Variants in VPS13A observed in about 807,000 individuals in gnomAD.
VPS13A encodes intermembrane lipid transfer protein VPS13A.
VPS13A carries 264 observed loss-of-function variants against 390.9 expected under a neutral mutation model. The ratio of observed to expected loss-of-function variants is 0.68; its 90% confidence interval spans 0.61 to 0.75. The LOEUF (loss-of-function observed/expected upper bound fraction) is 0.75. VPS13A is among the 30% of genes least tolerant of loss of function. The probability of loss-of-function intolerance (pLI) is 0.00; values close to 1 mark genes in which losing one functional copy is unlikely to be tolerated. For missense variants in VPS13A, 3,409 were observed against 3,733.9 expected, an observed-to-expected ratio of 0.91 and a Z score of 2.27; for synonymous variants, 1,231 against 1,227.1, an observed-to-expected ratio of 1.00 and a Z score of -0.07.
At position 77,356,853 on chromosome 9, in the gene VPS13A, G is replaced by A. The variant is rs1831813000; in HGVS notation, c.7792G>A (p.Asp2598Asn). 1 of 1,613,686 alleles carries A rather than the reference G, an allele frequency of 6.2e-7. No homozygotes were observed. The highest frequency in any genetic ancestry group is 1.1e-5 in the South Asian group (1 of 91,064). Residue 2598 changes from aspartate to asparagine, a missense_variant, in exon 55 of 72, where the codon GAC (aspartate) becomes AAC (asparagine). Asp to Asn is a conservative substitution (Grantham distance 23). Around this residue, in one of 5 missense-constraint regions of VPS13A, gnomAD observed 221 missense variants for 300.7 expected, o/e 0.73. Transcript: ENST00000360280. ...TTCAGAAGATAAGGTTATTCAGTTG[G>A]ACACTAATGTTCCGGTAATATTTTT... is the stretch of plus-strand genomic sequence containing the variant. The part of the protein sequence containing the change: ...SPSEDKVIQL[D>N]TNVPVRLTPT...
chr9:77,218,280 A>AT (rs1317857812), intron 10 of VPS13A, among the ~76,000 whole-genome samples: 1 of 151,870 alleles, frequency 6.6e-6, no homozygotes, highest in African/African-American at 2.4e-5. Flanking sequence ...TGCCCAGCTA[A>AT]TTTTTTGTAC....
chr9:77,200,465 G>T (rs1448460714), intron 2 of VPS13A, among the ~76,000 whole-genome samples: 1 of 152,030 alleles, frequency 6.6e-6, no homozygotes, highest in Non-Finnish European at 1.5e-5. Context: ...CTCCAGCCTG[G>T]GTGACAGAGT....
chr9:77,244,131 G>C (rs1484915781), intron 19 of VPS13A, among the ~76,000 whole-genome samples: 3 of 152,032 alleles, frequency 2.0e-5, no homozygotes, highest in Non-Finnish European at 1.5e-5. Flanking sequence ...CCAGCTACTT[G>C]GCAGGCTGAG....
In VPS13A at chr9:77,318,251, T is replaced by C. The variant is rs1829522771; in HGVS notation, c.4973T>C (p.Ile1658Thr). Residue 1658 changes from isoleucine (I) to threonine (T), a missense_variant, in exon 41 of 72, where the codon ATA becomes ACA. Coordinates refer to ENST00000360280, the MANE Select transcript of VPS13A (RefSeq NM_033305.3). ...SLTLKVSPVI[I>T]NTMITITSAL... ...TCCATTTAGGTTTCACCAGTTATTA[T>C]AAATACTATGATTACCATAACTTCA... 7 of 1,597,084 alleles carry C rather than the reference T, an allele frequency of 4.4e-6. No homozygotes were observed. The highest frequency in any genetic ancestry group is 3.4e-6 in the Non-Finnish European group (4 of 1,174,782).
In VPS13A at chr9:77,308,102, T is replaced by C. The variant is rs1199174625; in HGVS notation, c.4114+4T>C. ...AATGCTTCACACCATTCAGGAGGTA[T>C]GTTTTTAACTTCAAATTTCTTTCTG... is the stretch of plus-strand genomic sequence containing the variant. On this transcript the variant is annotated splice_donor_region_variant and intron_variant, in intron 35 of 71. Coordinates refer to ENST00000360280, the MANE Select transcript of VPS13A (RefSeq NM_033305.3). The C allele has an allele frequency of 1.2e-6, 2 of 1,613,814 alleles. No homozygotes were observed. Among genetic ancestry groups the C allele is most frequent in the Non-Finnish European group, 1.7e-6 (2 of 1,179,830 alleles).
chr9:77,215,819 C>G (rs1282491271), intron 10 of VPS13A, among the ~76,000 whole-genome samples: 1 of 152,220 alleles, frequency 6.6e-6, no homozygotes, highest in Non-Finnish European at 1.5e-5. Context: ...GTTGGTACTT[C>G]ACTCTCTGGA....
Position 77,407,115 on chromosome 9 carries a change from T to A in VPS13A, c.9400-418T>A, listed in dbSNP as rs114778613. Among the ~76,000 whole-genome samples the A allele has an allele frequency of 8.3e-3, 1,263 of 152,308 alleles. 22 individuals are homozygous for A. Among genetic ancestry groups the A allele is most frequent in the African/African-American group, 0.029 (1,214 of 41,570 alleles). ...CATGCACATACAATATATGTATGTGTTTATGTACGTATGCATACACACACA... is the reference window on the plus strand; with the variant it reads ...CATGCACATACAATATATGTATGTGATTATGTACGTATGCATACACACACA... On this transcript the variant is annotated intron_variant, in intron 70 of 71. Transcript: ENST00000360280.
intron 54 of VPS13A, among the ~76,000 whole-genome samples, chr9:77,355,427 A>G (rs960929355): frequency 1.3e-5 from 2 of 152,140 alleles, no homozygotes; most frequent in South Asian, 2.1e-4. Flanking sequence ...TCTTCTCTCA[A>G]CTGCTTACAT....
chr9:77,372,793 G>A (rs1344753762), intron 67 of VPS13A, among the ~76,000 whole-genome samples: 1 of 152,106 alleles, frequency 6.6e-6, no homozygotes, highest in Non-Finnish European at 1.5e-5. Flanking sequence ...AAAGTCTTAG[G>A]ATACAAAATC....
At chr9:77,225,409 C>G (rs1823451098) in intron 13 of VPS13A, among the ~76,000 whole-genome samples, 1 of 152,052 alleles carries the variant, frequency 6.6e-6, no homozygotes, top group Non-Finnish European at 1.5e-5. Context: ...TGCCACCATG[C>G]CTAGCTAATT....
At chr9:77,297,584 G>C (rs1386615087) in intron 33 of VPS13A, among the ~76,000 whole-genome samples, 1 of 151,054 alleles carries the variant, frequency 6.6e-6, no homozygotes, top group Non-Finnish European at 1.5e-5. Context: ...TTTTTTGGGG[G>C]GGCAGGGTTG....
At position 77,281,227 on chromosome 9, in the gene VPS13A, C is replaced by T. The variant is rs77390558; in HGVS notation, c.2905-640C>T. ...AAGAATAATTTTTGAGATCTGTATACAGCAGGGGAACTGTAATCAATAATA... is the reference window on the plus strand; with the variant it reads ...AAGAATAATTTTTGAGATCTGTATATAGCAGGGGAACTGTAATCAATAATA... On this transcript the variant is annotated intron_variant, in intron 27 of 71. Transcript: ENST00000360280. Among the ~76,000 whole-genome samples, 472 of 152,134 alleles carry T rather than the reference C, an allele frequency of 3.1e-3. 2 individuals are homozygous for T. Among genetic ancestry groups the T allele is most frequent in the African/African-American group, 0.011 (462 of 41,508 alleles).
intron 22 of VPS13A, among the ~76,000 whole-genome samples, chr9:77,252,684 C>G (rs1825211787): frequency 6.6e-6 from 1 of 152,146 alleles, no homozygotes; most frequent in African/African-American, 2.4e-5. Context: ...ACCATTATAT[C>G]TTCTGTCTTT....
chr9:77,177,965 C>T, intron 1 of VPS13A, 161 bp downstream of exon 1: 1 of 624,654 alleles, frequency 1.6e-6, no homozygotes, highest in Non-Finnish European at 2.8e-6. Context: ...AGCCGGGCGG[C>T]AGTTCCCTGG....
At chr9:77,325,683 G>A (rs57539041) in intron 45 of VPS13A, among the ~76,000 whole-genome samples, 4,556 of 150,986 alleles carry the variant, frequency 0.03, 148 homozygotes, top group African/African-American at 0.077. Context: ...TGATACTTTA[G>A]GGCTTTATTA....
chr9:77,199,274 C>T (rs1825187620), intron 1 of VPS13A, among the ~76,000 whole-genome samples: 1 of 152,128 alleles, frequency 6.6e-6, no homozygotes, highest in African/African-American at 2.4e-5. Context: ...TTGTGTGATC[C>T]TCCCACCTCA....
In VPS13A at chr9:77,416,188, G is replaced by A. The variant is rs983693743; in HGVS notation, c.*182G>A. On this transcript the variant is annotated 3_prime_UTR_variant, in exon 72 of 72. Transcript: ENST00000360280. ...AACAAAACCAGAATCAGGTAAAACA[G>A]CTATGTGATTAAAATATTTTAATTC... 4.4e-5 allele frequency: 27 copies of A among 617,544 alleles called. No homozygotes were observed. The highest frequency in any genetic ancestry group is 7.7e-5 in the Non-Finnish European group (27 of 350,200). 38.3% of individuals were successfully genotyped at this position (617,544 alleles called of 1,614,324 possible).
chr9:77,322,994 A>G, intron 44 of VPS13A, 73 bp from the exon 45 acceptor site: 1 of 1,196,320 alleles, frequency 8.4e-7, no homozygotes, highest in African/African-American at 1.5e-5. Flanking sequence ...TGAAATTTCT[A>G]ATATGTAACA....
At chr9:77,387,073 T>G (rs906641364) in intron 68 of VPS13A, among the ~76,000 whole-genome samples, 11 of 152,054 alleles carry the variant, frequency 7.2e-5, no homozygotes, top group Non-Finnish European at 1.6e-4. Flanking sequence ...TTCAAACCTC[T>G]TGAGGACAGG....
Sources: allele counts gnomAD v4.1 joint callset (sites outside exome capture counted in the v4.1 genomes callset), GRCh38; gene constraint gnomAD v4.1.1; regional missense constraint gnomAD v4.1.1; transcripts MANE v1.5; gene names NCBI Gene and HGNC (gene_info 2026-07-23, HGNC 2026-07-21).